Variants in TTC6 observed in about 807,000 individuals in gnomAD.
TTC6 encodes tetratricopeptide repeat domain 6.
In TTC6, 172 loss-of-function variants were observed where a neutral mutation model predicts 210.4. That is an observed-to-expected ratio of 0.82 (90% CI 0.72 to 0.93). The LOEUF (loss-of-function observed/expected upper bound fraction) is 0.93, where lower values mean the gene tolerates loss of function less well. Among genes scored for constraint, TTC6 ranks in the 40% least tolerant of loss-of-function variants. TTC6 has a pLI of 0.00. For missense variants in TTC6, 2,414 were observed against 2,318.1 expected, an observed-to-expected ratio of 1.04 and a Z score of -0.85; for synonymous variants, 804 against 819.6, an observed-to-expected ratio of 0.98 and a Z score of 0.32.
At chr14:37,718,104 T>A (rs1397767057) in intron 6 of TTC6, among the ~76,000 whole-genome samples, 2 of 152,226 alleles carry the variant, frequency 1.3e-5, no homozygotes, top group East Asian at 3.8e-4. Flanking sequence ...GTCTCAGGTG[T>A]TCTGTTATAG....
chr14:37,680,468 A>G (rs1566883377), intron 2 of TTC6, among the ~76,000 whole-genome samples: 2 of 152,120 alleles, frequency 1.3e-5, no homozygotes, highest in African/African-American at 2.4e-5. Context: ...CTTCTGAGCT[A>G]AGGCCCCAGA....
intron 18 of TTC6, among the ~76,000 whole-genome samples, chr14:37,795,794 T>C (rs1465514873): frequency 1.3e-5 from 2 of 152,166 alleles, no homozygotes; most frequent in Non-Finnish European, 2.9e-5. Flanking sequence ...CCTACTTCCA[T>C]GCAGTATTTC....
chr14:37,716,897 C>T (rs1300219364), intron 6 of TTC6, among the ~76,000 whole-genome samples: 1 of 151,876 alleles, frequency 6.6e-6, no homozygotes, highest in African/African-American at 2.4e-5. Flanking sequence ...CAGGATAGAG[C>T]AAATCCATAA....
intron 29 of TTC6, among the ~76,000 whole-genome samples, chr14:37,840,569 C>G (rs180803330): frequency 6.6e-6 from 1 of 152,268 alleles, no homozygotes; most frequent in East Asian, 1.9e-4. Context: ...AGGCCAATAT[C>G]CCTGATGAAC....
intron 29 of TTC6, among the ~76,000 whole-genome samples, chr14:37,831,127 A>G (rs2096184011): frequency 2.6e-5 from 4 of 151,974 alleles, no homozygotes; most frequent in Non-Finnish European, 4.4e-5. Flanking sequence ...CTCTCTGTTT[A>G]TGAGACAAAG....
chr14:37,617,393 A>C (rs1228491913), upstream of TTC6, among the ~76,000 whole-genome samples: 2 of 152,164 alleles, frequency 1.3e-5, no homozygotes, highest in African/African-American at 4.8e-5. Flanking sequence ...ATAGTTATTG[A>C]AATTTCTGTG....
intron 3 of TTC6, among the ~76,000 whole-genome samples, chr14:37,693,387 G>T (rs2095808085): frequency 6.6e-6 from 1 of 152,060 alleles, no homozygotes; most frequent in East Asian, 1.9e-4. Context: ...AAAATGGAAA[G>T]ATATTCCATG....
chr14:37,776,822 G>GGTTTTGATTT (rs2096039154), intron 14 of TTC6, among the ~76,000 whole-genome samples: 1 of 151,862 alleles, frequency 6.6e-6, no homozygotes, highest in Non-Finnish European at 1.5e-5. Context: ...GTTGGGCGGG[G>GGTTTTGATTT]GCGGGCTGAG....
chr14:37,623,714 G>A (rs1412047971), intron 1 of TTC6, among the ~76,000 whole-genome samples: 1 of 152,188 alleles, frequency 6.6e-6, no homozygotes, highest in Non-Finnish European at 1.5e-5. Flanking sequence ...TGGCAGAGCT[G>A]GGATTCCACC....
Position 37,749,841 on chromosome 14 carries a change from CA to C in TTC6, c.2955del (p.Glu986ArgfsTer16). ...ATACATAAATATAATAAAAATAATA[CA>C]GGTGGGTTGTCTGTAGAGACAGTTA... is the stretch of plus-strand genomic sequence containing the variant. On this transcript the variant is annotated frameshift_variant and splice_region_variant, in exon 12 of 31. Coordinates refer to ENST00000553443, the Ensembl canonical transcript of TTC6. LOFTEE classifies it high-confidence loss of function. 7.2e-7 allele frequency: 1 copy of C among 1,380,610 alleles called. No homozygotes were observed. The allele number at this position is 1,380,610 out of a possible 1,614,324, so 85.5% of individuals were successfully genotyped here.
intron 21 of TTC6, among the ~76,000 whole-genome samples, chr14:37,805,655 G>A (rs543439575): frequency 1.3e-5 from 2 of 152,180 alleles, no homozygotes; most frequent in East Asian, 1.9e-4. Context: ...TTTAAAATGC[G>A]GGGAAAAATT....
exon 18 of TTC6, chr14:37,795,305 T>C: frequency 6.5e-7 from 1 of 1,532,846 alleles, no homozygotes; most frequent in Non-Finnish European, 8.7e-7. Context: ...ATGAATTGTC[T>C]CGTGCTATCC....
chr14:37,671,090 G>A (rs1206515457), intron 1 of TTC6, among the ~76,000 whole-genome samples: 2 of 152,106 alleles, frequency 1.3e-5, no homozygotes, highest in Non-Finnish European at 2.9e-5. Flanking sequence ...CTAGCCTGTG[G>A]GCTTGTGTCA....
intron 3 of TTC6, among the ~76,000 whole-genome samples, chr14:37,690,635 A>G (rs927531474): frequency 3.3e-5 from 5 of 152,166 alleles, no homozygotes; most frequent in Non-Finnish European, 5.9e-5. Flanking sequence ...GAGAAAAAGA[A>G]GGTCACTAAA....
At chr14:37,638,535 G>A (rs1402474957) in intron 1 of TTC6, among the ~76,000 whole-genome samples, 2 of 150,142 alleles carry the variant, frequency 1.3e-5, no homozygotes, top group African/African-American at 2.4e-5. Context: ...GATTACAGGC[G>A]TGAACCACTG....
At position 37,769,875 on chromosome 14, in the gene TTC6, G is replaced by A. The variant is rs542693174; in HGVS notation, c.3266+16640G>A. 1.7e-4 allele frequency among the ~76,000 whole-genome samples: 26 copies of A among 152,024 alleles called. No individual in the cohort carries two copies. In the East Asian group the frequency reaches 4.6e-3, roughly 27 times the overall value. On this transcript the variant is annotated intron_variant, in intron 14 of 30. Coordinates refer to ENST00000553443, the Ensembl canonical transcript of TTC6. ...GAATGTGTTTGCTCTTGCTTTTCTA[G>A]TTCTTTTAATTGTGATGTTAGGGTG...
exon 23 of TTC6, chr14:37,807,401 A>G: frequency 6.5e-7 from 1 of 1,530,454 alleles, no homozygotes. Context: ...GGCTATTAAA[A>G]TTTACCCTGA....
At chr14:37,711,472 C>G (rs1366732171) in intron 5 of TTC6, among the ~76,000 whole-genome samples, 1 of 152,194 alleles carries the variant, frequency 6.6e-6, no homozygotes, top group Non-Finnish European at 1.5e-5. Context: ...TTGCTCTCAT[C>G]ATTCTCCATT....
At chr14:37,608,657 G>T (rs1028518357) in intron 2 of TTC6, among the ~76,000 whole-genome samples, 5 of 152,116 alleles carry the variant, frequency 3.3e-5, no homozygotes, top group Non-Finnish European at 7.3e-5. Context: ...AACTTATTTT[G>T]TGCGCAATAT....
Sources: gnomAD v4.1 joint callset for allele counts (sites outside exome capture counted in the v4.1 genomes callset) on GRCh38, gnomAD v4.1.1 for gene constraint, MANE v1.5 for transcripts, NCBI Gene and HGNC (gene_info 2026-07-23, HGNC 2026-07-21) for gene names.